Variants in TMEM232 observed in about 807,000 individuals in gnomAD.
The protein encoded by TMEM232 is transmembrane protein 232.
TMEM232 carries 80 observed loss-of-function variants against 78.8 expected under a neutral mutation model. The observed-to-expected ratio is 1.01, with a 90% confidence interval of 0.85 to 1.22. The LOEUF (loss-of-function observed/expected upper bound fraction) is 1.22. Among genes scored for constraint, TMEM232 ranks in the 50% most tolerant of loss-of-function variants. TMEM232 has a pLI of 0.00. For synonymous variants in TMEM232, 297 were observed against 254.3 expected (o/e 1.17, Z -1.60); for missense variants, 881 against 742.2 (o/e 1.19, Z -2.17).
intron 12 of TMEM232, among the ~76,000 whole-genome samples, chr5:110,467,959 A>C (rs1762262728): frequency 6.6e-6 from 1 of 152,064 alleles, no homozygotes; most frequent in Non-Finnish European, 1.5e-5. Flanking sequence ...TTACCTTTAC[A>C]TGACATTCTT....
chr5:110,706,015 AACGGCTATTTGGTGTAAT>A (rs1298469663), intron 1 of TMEM232, among the ~76,000 whole-genome samples: 1 of 151,994 alleles, frequency 6.6e-6, no homozygotes, highest in African/African-American at 2.4e-5. Context: ...ATTTAAATTA[AACGGCTATTTGGTGTAAT>A]ACTGGCTTCA....
intron 2 of TMEM232, among the ~76,000 whole-genome samples, chr5:110,660,550 T>C (rs1386887925): frequency 6.6e-6 from 1 of 152,116 alleles, no homozygotes; most frequent in South Asian, 2.1e-4. Context: ...GAAACACTGA[T>C]TACTTAAAAT....
rs756779219 is a variant in TMEM232, at chr5:110,525,168, GA to G, written c.1703+3419del. ...CTAGAAGATTTCTTCGTAACAATAA[GA>G]AAAAAAAAAAAGCCCATCCTCACTA... On this transcript the variant is annotated intron_variant, in intron 12 of 13. Transcript: ENST00000455884. Among the ~76,000 whole-genome samples the G allele has an allele frequency of 8.8e-3, 1,023 of 116,892 alleles. 11 individuals are homozygous for G. The highest frequency in any genetic ancestry group is 0.05 in the East Asian group (213 of 4,226). The allele number at this position is 116,892 out of a possible 152,430, so 76.7% of individuals were successfully genotyped here. A position where few individuals can be genotyped will look rare whatever the true frequency, so the allele number is the denominator to read the frequency against.
intron 7 of TMEM232, among the ~76,000 whole-genome samples, chr5:110,624,362 G>GTGA (rs1042811305): frequency 3.3e-5 from 5 of 151,790 alleles, no homozygotes; most frequent in African/African-American, 9.7e-5. Flanking sequence ...ACTGATGATG[G>GTGA]TGATGATGAT....
rs1756464494 is a variant in TMEM232, at chr5:110,419,805, A to G, written c.*775T>C. On this transcript the variant is annotated 3_prime_UTR_variant, in exon 14 of 14. Transcript: ENST00000455884. Reference sequence around the variant, plus strand: ...TTTCAGGAAAGGAATATAAGACATCACAAAAACTCCACCCTATTACTCTTA... The same window carrying G: ...TTTCAGGAAAGGAATATAAGACATCGCAAAAACTCCACCCTATTACTCTTA... 1.3e-5 allele frequency among the ~76,000 whole-genome samples: 2 copies of G among 152,114 alleles called. No homozygotes were observed. Among genetic ancestry groups the G allele is most frequent in the Non-Finnish European group, 2.9e-5 (2 of 67,982 alleles).
intron 10 of TMEM232, among the ~76,000 whole-genome samples, chr5:110,586,384 T>C (rs1247661318): frequency 1.3e-5 from 2 of 152,114 alleles, no homozygotes; most frequent in East Asian, 3.9e-4. Context: ...TTTCTCCTAG[T>C]TATTTTAAAA....
intron 8 of TMEM232, among the ~76,000 whole-genome samples, chr5:110,616,718 A>G (rs1782965811): frequency 6.6e-6 from 1 of 152,258 alleles, no homozygotes; most frequent in South Asian, 2.1e-4. Flanking sequence ...AACATCACTA[A>G]TCATAAGGGA....
At chr5:110,730,976 T>C (rs1243326269), upstream of TMEM232, among the ~76,000 whole-genome samples, 2 of 152,288 alleles carry the variant, frequency 1.3e-5, no homozygotes, top group African/African-American at 4.8e-5. Context: ...CCAAGTCCCT[T>C]ATGCCTATGA....
At chr5:110,579,134 G>GT (rs1777886506) in intron 10 of TMEM232, among the ~76,000 whole-genome samples, 2 of 151,518 alleles carry the variant, frequency 1.3e-5, no homozygotes, top group Non-Finnish European at 3.0e-5. Flanking sequence ...GGGGATGATT[G>GT]TAAGACTACC....
rs143516637 is a variant in TMEM232, at chr5:110,639,546, C to T, written c.344-1191G>A. On this transcript the variant is annotated intron_variant, in intron 4 of 13. Transcript: ENST00000455884. ...ACTGTGATGACTACACAAGCTCAGGCATCATGTTCTTACCAAGCAAACTAG... is the reference window on the plus strand; with the variant it reads ...ACTGTGATGACTACACAAGCTCAGGTATCATGTTCTTACCAAGCAAACTAG... Among the ~76,000 whole-genome samples, 1,521 of 152,196 alleles carry T rather than the reference C, an allele frequency of 1.0e-2. 33 individuals are homozygous for T. Among genetic ancestry groups the T allele is most frequent in the African/African-American group, 0.034 (1,421 of 41,528 alleles).
chr5:110,614,690 T>C (rs1415317528), intron 8 of TMEM232, among the ~76,000 whole-genome samples: 1 of 152,062 alleles, frequency 6.6e-6, no homozygotes, highest in Non-Finnish European at 1.5e-5. Context: ...ACAATATTTA[T>C]TTTTAGATGT....
At chr5:110,630,106 A>T (rs1254277090) in intron 5 of TMEM232, among the ~76,000 whole-genome samples, 3 of 152,208 alleles carry the variant, frequency 2.0e-5, no homozygotes, top group African/African-American at 7.2e-5. Flanking sequence ...AAACCCTACA[A>T]AGGCAAGGAG....
At chr5:110,631,378 C>G (rs1306751693) in intron 5 of TMEM232, among the ~76,000 whole-genome samples, 1 of 152,136 alleles carries the variant, frequency 6.6e-6, no homozygotes, top group East Asian at 1.9e-4. Context: ...CCCATTCACA[C>G]CCCCGACCCA....
At chr5:110,424,454 G>C (rs994472415) in intron 13 of TMEM232, among the ~76,000 whole-genome samples, 1 of 152,130 alleles carries the variant, frequency 6.6e-6, no homozygotes, top group African/African-American at 2.4e-5. Context: ...TTTCTGATCT[G>C]TCAAGGGTAA....
At chr5:110,506,202 C>A (rs2149454648) in intron 12 of TMEM232, among the ~76,000 whole-genome samples, 1 of 152,194 alleles carries the variant, frequency 6.6e-6, no homozygotes, top group South Asian at 2.1e-4. Flanking sequence ...TTAAACTGAC[C>A]TATTTTTTTC....
intron 12 of TMEM232, among the ~76,000 whole-genome samples, chr5:110,448,082 T>A (rs1373174531): frequency 2.0e-5 from 3 of 151,848 alleles, no homozygotes; most frequent in African/African-American, 7.3e-5. Context: ...AAAAATAAAC[T>A]ATAAGAACAA....
chr5:110,491,589 T>C (rs898802837), intron 12 of TMEM232, among the ~76,000 whole-genome samples: 1 of 152,048 alleles, frequency 6.6e-6, no homozygotes, highest in Non-Finnish European at 1.5e-5. Context: ...GTAGTAGTTA[T>C]ACAATTGTTT....
upstream of TMEM232, among the ~76,000 whole-genome samples, chr5:110,729,220 A>G (rs1798442142): frequency 6.6e-6 from 1 of 152,084 alleles, no homozygotes; most frequent in African/African-American, 2.4e-5. Flanking sequence ...TTCCACTGCT[A>G]TGTAATCAAT....
At position 110,617,365 on chromosome 5, in the gene TMEM232, T is replaced by C. The variant is rs1017345093; in HGVS notation, c.902+1064A>G. On this transcript the variant is annotated intron_variant, in intron 8 of 13. Transcript: ENST00000455884. ...AGTTCTAGTGATCTATTGTGCAGCATTGTGACTATGGTAAAAAAAATATAT... is the reference window on the plus strand; with the variant it reads ...AGTTCTAGTGATCTATTGTGCAGCACTGTGACTATGGTAAAAAAAATATAT... 4.1e-5 allele frequency among the ~76,000 whole-genome samples: 6 copies of C among 147,224 alleles called. No individual in the cohort carries two copies. In the East Asian group the frequency reaches 7.7e-4, roughly 19 times the overall value.
Sources: allele counts gnomAD v4.1 joint callset (sites outside exome capture counted in the v4.1 genomes callset), GRCh38; gene constraint gnomAD v4.1.1; transcripts MANE v1.5; gene names NCBI Gene and HGNC (gene_info 2026-07-23, HGNC 2026-07-21).